Variants in DAB1 observed in about 807,000 individuals in gnomAD.
DAB1 encodes DAB adaptor protein 1, also known as disabled homolog 1.
Under a neutral mutation model 64.6 loss-of-function variants are expected in DAB1, and 15 were observed. The ratio of observed to expected loss-of-function variants is 0.23; its 90% confidence interval spans 0.16 to 0.36. The LOEUF (loss-of-function observed/expected upper bound fraction) is 0.36. DAB1 is among the 10% of genes least tolerant of loss of function. The probability of loss-of-function intolerance (pLI) is 1.00; values close to 1 mark genes in which losing one functional copy is unlikely to be tolerated. For synonymous variants in DAB1, 235 were observed against 251.9 expected, an observed-to-expected ratio of 0.93 and a Z score of 0.64; for missense variants, 596 against 706.7, an observed-to-expected ratio of 0.84 and a Z score of 1.78.
chr1:58,062,656 G>A (rs958463867), intron 5 of DAB1, among the ~76,000 whole-genome samples: 40 of 152,318 alleles, frequency 2.6e-4, no homozygotes, highest in South Asian at 1.2e-3. Flanking sequence ...CACTCACTAC[G>A]GTGCCAGGAG....
chr1:57,696,022 C>G (rs1646840919), intron 6 of DAB1, among the ~76,000 whole-genome samples: 1 of 152,264 alleles, frequency 6.6e-6, no homozygotes, highest in South Asian at 2.1e-4. Context: ...CCTTAACACC[C>G]AAGAACTATT....
intron 4 of DAB1, among the ~76,000 whole-genome samples, chr1:58,292,981 C>T (rs1005482502): frequency 1.3e-5 from 2 of 152,040 alleles, no homozygotes; most frequent in Non-Finnish European, 2.9e-5. Flanking sequence ...TGGAGACCCA[C>T]ATGAGACCCA....
intron 5 of DAB1, among the ~76,000 whole-genome samples, chr1:58,022,306 G>C: frequency 6.6e-6 from 1 of 152,178 alleles, no homozygotes; most frequent in South Asian, 2.1e-4. Flanking sequence ...CTCTCAGTAT[G>C]CAAGACAGAA....
At chr1:58,082,093 C>T (rs541927969) in intron 5 of DAB1, among the ~76,000 whole-genome samples, 5 of 152,290 alleles carry the variant, frequency 3.3e-5, no homozygotes, top group African/African-American at 9.6e-5. Context: ...ATGACTTGCC[C>T]ACAGCCAGAC....
rs200606976 is a variant in DAB1, at chr1:57,023,552, C to T, written c.874G>A (p.Gly292Ser). The change falls in exon 11 of 15, where the codon GGC (glycine) becomes AGC (serine). Residue 292 changes from glycine to serine, a missense_variant. By Grantham distance (56) the Gly-to-Ser change is moderately conservative. Transcript: ENST00000371236. ...SADVFSSVPF[G>S]TAAVPSGYVA... ...TTACCTGAGGGTACAGCAGCAGTGCCGAAAGGTACAGAACTAAACACATCT... is the reference window on the plus strand; with the variant it reads ...TTACCTGAGGGTACAGCAGCAGTGCTGAAAGGTACAGAACTAAACACATCT... 55 of 1,607,230 alleles carry T rather than the reference C, an allele frequency of 3.4e-5. No homozygotes were observed. Among genetic ancestry groups the T allele is most frequent in the Middle Eastern group, 1.6e-4 (1 of 6,078 alleles).
intron 5 of DAB1, among the ~76,000 whole-genome samples, chr1:58,035,600 ATTGT>A (rs142098284): frequency 0.084 from 12,793 of 152,240 alleles, 1,638 homozygotes; most frequent in African/African-American, 0.28. Flanking sequence ...TCACATCCAA[ATTGT>A]TTATTAATCT....
At chr1:57,991,889 T>G (rs937035788) in intron 5 of DAB1, among the ~76,000 whole-genome samples, 1 of 127,778 alleles carries the variant, frequency 7.8e-6, no homozygotes, top group African/African-American at 2.9e-5. Flanking sequence ...CAGAGAACGC[T>G]CTCTAGAGCT....
intron 3 of DAB1, among the ~76,000 whole-genome samples, chr1:58,462,278 C>A (rs1354460918): frequency 1.3e-5 from 2 of 152,002 alleles, no homozygotes; most frequent in Non-Finnish European, 2.9e-5. Flanking sequence ...AGGCGCCCGC[C>A]ACCGCGCCCG....
intron 5 of DAB1, among the ~76,000 whole-genome samples, chr1:58,080,859 C>A (rs546975731): frequency 3.3e-5 from 5 of 152,230 alleles, no homozygotes; most frequent in Non-Finnish European, 7.3e-5. Flanking sequence ...TGCTATCATA[C>A]AATTAACAGT....
intron 14 of DAB1, among the ~76,000 whole-genome samples, chr1:57,000,187 G>T (rs1258620678): frequency 6.6e-6 from 1 of 151,886 alleles, no homozygotes; most frequent in Non-Finnish European, 1.5e-5. Context: ...GGGACTACAG[G>T]TGCCCACCAC....
chr1:58,503,228 T>C (rs1171652596), intron 3 of DAB1, among the ~76,000 whole-genome samples: 1 of 152,172 alleles, frequency 6.6e-6, no homozygotes, highest in Non-Finnish European at 1.5e-5. Flanking sequence ...CATATTGTTA[T>C]CATTGCTTTA....
At chr1:57,521,140 C>A (rs567985912) in intron 7 of DAB1, among the ~76,000 whole-genome samples, 3 of 152,298 alleles carry the variant, frequency 2.0e-5, no homozygotes, top group Non-Finnish European at 4.4e-5. Context: ...CTTTCCACCT[C>A]TCCAGACAAG....
At chr1:57,508,820 ATG>A (rs952695028) in intron 7 of DAB1, among the ~76,000 whole-genome samples, 1 of 152,120 alleles carries the variant, frequency 6.6e-6, no homozygotes, top group African/African-American at 2.4e-5. Context: ...TAGAGTACAA[ATG>A]TGTGTGTATG....
chr1:57,047,978 T>C (rs1179121603), intron 9 of DAB1, among the ~76,000 whole-genome samples: 1 of 152,236 alleles, frequency 6.6e-6, no homozygotes, highest in African/African-American at 2.4e-5. Context: ...ATAATAACTC[T>C]GGCTGACATT....
chr1:57,400,213 G>T (rs1231865154), intron 1 of DAB1, among the ~76,000 whole-genome samples: 1 of 152,148 alleles, frequency 6.6e-6, no homozygotes, highest in East Asian at 1.9e-4. Context: ...GCAAGTCCAT[G>T]CAAGAAACAT....
At chr1:57,566,792 C>T (rs1645127435) in intron 7 of DAB1, among the ~76,000 whole-genome samples, 1 of 152,096 alleles carries the variant, frequency 6.6e-6, no homozygotes, top group South Asian at 2.1e-4. Flanking sequence ...TAATAGCCTA[C>T]CAACCAAAAA....
intron 6 of DAB1, among the ~76,000 whole-genome samples, chr1:57,765,549 ACTTTCT>A (rs142908956): frequency 0.011 from 1,607 of 152,198 alleles, 22 homozygotes; most frequent in African/African-American, 0.037. Context: ...GGGTAACTCA[ACTTTCT>A]CTTAAAGCCA....
intron 6 of DAB1, among the ~76,000 whole-genome samples, chr1:57,687,599 C>CAAAAAAAAAAAAAAAAAAA (rs57316234): frequency 1.2e-3 from 97 of 82,384 alleles, no homozygotes; most frequent in Middle Eastern, 0.01. Flanking sequence ...TCTTAAGAAA[C>CAAAAAAAAAAAAAAAAAAA]AAAAAAAAAA....
chr1:57,419,533 T>C (rs965288878), intron 1 of DAB1, among the ~76,000 whole-genome samples: 5 of 150,094 alleles, frequency 3.3e-5, no homozygotes, highest in Non-Finnish European at 5.9e-5. Flanking sequence ...AATCCTAAAA[T>C]GTATCTCTTC....
Sources: allele counts gnomAD v4.1 joint callset (sites outside exome capture counted in the v4.1 genomes callset), GRCh38; gene constraint gnomAD v4.1.1; transcripts MANE v1.5; gene names NCBI Gene and HGNC (gene_info 2026-07-23, HGNC 2026-07-21).